Variants in GPC6 observed in about 807,000 individuals in gnomAD.
The protein encoded by GPC6 is glypican 6, also known as glypican-6.
In GPC6, 14 loss-of-function variants were observed where a neutral mutation model predicts 55.2. The observed-to-expected ratio is 0.25, with a 90% confidence interval of 0.17 to 0.40. GPC6 has a LOEUF of 0.40. GPC6 is among the 10% of genes least tolerant of loss of function. The pLI is 1.00. For missense variants in GPC6, 641 were observed against 708.5 expected, an observed-to-expected ratio of 0.90 and a Z score of 1.08; for synonymous variants, 278 against 259.6, an observed-to-expected ratio of 1.07 and a Z score of -0.68.
Position 93,995,115 on chromosome 13 carries a change from G to A in GPC6, c.712-32614G>A, listed in dbSNP as rs924531020. Among the ~76,000 whole-genome samples the A allele has an allele frequency of 2.6e-5, 4 of 151,926 alleles. No homozygotes were observed. The East Asian group carries it at 5.8e-4, about 22-fold the overall frequency. Reference sequence around the variant, plus strand: ...ATCATGGCCCCTGCATACCTTTCCTGTTTTGTCACTGTATAACATTTTTCA... The same window carrying A: ...ATCATGGCCCCTGCATACCTTTCCTATTTTGTCACTGTATAACATTTTTCA... On this transcript the variant is annotated intron_variant, in intron 3 of 8. Coordinates refer to ENST00000377047, the MANE Select transcript of GPC6 (RefSeq NM_005708.5).
At chr13:94,000,563 A>T (rs1157002513) in intron 3 of GPC6, among the ~76,000 whole-genome samples, 1 of 152,200 alleles carries the variant, frequency 6.6e-6, no homozygotes, top group Non-Finnish European at 1.5e-5. Flanking sequence ...TGTAAATTTT[A>T]TTCCAAGTTG....
intron 4 of GPC6, among the ~76,000 whole-genome samples, chr13:94,216,455 A>G (rs1594067160): frequency 6.6e-6 from 1 of 152,344 alleles, no homozygotes; most frequent in South Asian, 2.1e-4. Flanking sequence ...ATTATTATAA[A>G]TTTTGAAAAG....
At chr13:94,398,400 G>A in intron 7 of GPC6, 66 bp from the exon 8 acceptor site, 3 of 1,193,426 alleles carry the variant, frequency 2.5e-6, no homozygotes, top group Non-Finnish European at 3.7e-6. Context: ...GTTTTGCATG[G>A]CAGCATCTGG....
intron 2 of GPC6, among the ~76,000 whole-genome samples, chr13:93,671,626 T>G (rs1881361849): frequency 6.6e-6 from 1 of 151,892 alleles, no homozygotes; most frequent in Non-Finnish European, 1.5e-5. Flanking sequence ...TTTTTTGGGT[T>G]CTCTGGTTTT....
chr13:93,985,689 CAAAAA>C lies in GPC6; in HGVS notation c.712-42020_712-42016del, dbSNP rs34003218. Among the ~76,000 whole-genome samples the C allele has an allele frequency of 9.9e-3, 685 of 69,420 alleles. 5 individuals carry two copies. Among genetic ancestry groups the C allele is most frequent in the African/African-American group, 0.038 (613 of 15,996 alleles). 45.5% of individuals were successfully genotyped at this position (69,420 alleles called of 152,430 possible). ...CCTAGGTGACAAAGCAAGACCTGGC[CAAAAA>C]AAAAAAAAAAAAAAAAAAATTAAAA... On this transcript the variant is annotated intron_variant, in intron 3 of 8. Transcript: ENST00000377047.
chr13:93,814,558 A>G (rs1404107921), intron 2 of GPC6, among the ~76,000 whole-genome samples: 1 of 152,144 alleles, frequency 6.6e-6, no homozygotes, highest in Non-Finnish European at 1.5e-5. Flanking sequence ...TCCTGTTTGT[A>G]CTTTGGAACT....
chr13:93,904,427 C>G (rs1397915712), intron 3 of GPC6, among the ~76,000 whole-genome samples: 1 of 152,074 alleles, frequency 6.6e-6, no homozygotes, highest in African/African-American at 2.4e-5. Flanking sequence ...TTATCATCCA[C>G]TAGGATTATA....
intron 4 of GPC6, among the ~76,000 whole-genome samples, chr13:94,104,714 C>T (rs56250514): frequency 1.3e-5 from 2 of 151,962 alleles, no homozygotes; most frequent in South Asian, 2.1e-4. Context: ...CTCCCATTCA[C>T]AATTGCTTCA....
At chr13:93,689,521 T>G (rs1226632114) in intron 2 of GPC6, among the ~76,000 whole-genome samples, 2 of 152,038 alleles carry the variant, frequency 1.3e-5, no homozygotes, top group African/African-American at 4.8e-5. Context: ...TGTATGGCAT[T>G]TTAATAGGGA....
intron 6 of GPC6, among the ~76,000 whole-genome samples, chr13:94,372,564 C>A (rs532091462): frequency 1.3e-5 from 2 of 150,150 alleles, no homozygotes; most frequent in African/African-American, 4.9e-5. Context: ...GAGGGTCCTA[C>A]GCCCACGGAG....
intron 2 of GPC6, among the ~76,000 whole-genome samples, chr13:93,659,913 T>C (rs1880850547): frequency 6.6e-6 from 1 of 152,014 alleles, no homozygotes; most frequent in African/African-American, 2.4e-5. Context: ...TATGTGTGTG[T>C]ATATATATGT....
intron 1 of GPC6, among the ~76,000 whole-genome samples, chr13:93,319,174 G>T (rs1879344181): frequency 6.6e-6 from 1 of 152,148 alleles, no homozygotes; most frequent in African/African-American, 2.4e-5. Flanking sequence ...GACATTTGAA[G>T]AGTCAGGTCA....
chr13:93,441,606 T>C (rs927961643), intron 1 of GPC6, among the ~76,000 whole-genome samples: 3 of 152,234 alleles, frequency 2.0e-5, no homozygotes, highest in African/African-American at 7.2e-5. Context: ...CTTTGTCAGA[T>C]GGGTAGATTG....
chr13:93,748,607 T>A (rs1884479513), intron 2 of GPC6, among the ~76,000 whole-genome samples: 1 of 152,132 alleles, frequency 6.6e-6, no homozygotes, highest in African/African-American at 2.4e-5. Context: ...CTTATTCCAT[T>A]CATAATTAAG....
At chr13:93,463,022 G>T (rs1382350132) in intron 1 of GPC6, among the ~76,000 whole-genome samples, 1 of 152,062 alleles carries the variant, frequency 6.6e-6, no homozygotes, top group South Asian at 2.1e-4. Flanking sequence ...TAAGAATTAG[G>T]ACAATCTTTT....
In GPC6 at chr13:94,313,477, C is replaced by T. The variant is rs574379216; in HGVS notation, c.1152+7354C>T. 2.0e-5 allele frequency among the ~76,000 whole-genome samples: 3 copies of T among 152,258 alleles called. No individual in the cohort carries two copies. The South Asian group carries it at 6.2e-4, about 32-fold the overall frequency. ...TAGTGAAAATAGAAGGCACATAGAC[C>T]TCTCTTTCAGTCCTGGCAAAGTTGT... On this transcript the variant is annotated intron_variant, in intron 6 of 8. Transcript: ENST00000377047.
chr13:94,142,411 G>A (rs1472524150), intron 4 of GPC6, among the ~76,000 whole-genome samples: 1 of 152,170 alleles, frequency 6.6e-6, no homozygotes, highest in Non-Finnish European at 1.5e-5. Flanking sequence ...TATGAAAATA[G>A]TATACGTTCT....
intron 2 of GPC6, among the ~76,000 whole-genome samples, chr13:93,766,313 G>A (rs1885129455): frequency 6.6e-6 from 1 of 152,094 alleles, no homozygotes; most frequent in Admixed American, 6.5e-5. Flanking sequence ...AATGGATTTT[G>A]CATGGGTAAG....
At chr13:93,393,127 T>TATAGAGAGAGAG (rs1230857277) in intron 1 of GPC6, among the ~76,000 whole-genome samples, 4 of 87,624 alleles carry the variant, frequency 4.6e-5, no homozygotes, top group East Asian at 3.3e-4. Flanking sequence ...TATATATATA[T>TATAGAGAGAGAG]AGAGAGAGAG....
Sources: gnomAD v4.1 joint callset for allele counts (sites outside exome capture counted in the v4.1 genomes callset) on GRCh38, gnomAD v4.1.1 for gene constraint, MANE v1.5 for transcripts, NCBI Gene and HGNC (gene_info 2026-07-23, HGNC 2026-07-21) for gene names.